CCDC9: variants seen among roughly 807,000 people sequenced by gnomAD.
CCDC9 encodes the protein coiled-coil domain containing 9, also known as coiled-coil domain-containing protein 9.
Under a neutral mutation model 65.6 loss-of-function variants are expected in CCDC9, and 52 were observed. The ratio of observed to expected loss-of-function variants is 0.79; its 90% CI spans 0.63 to 1.00. The LOEUF is 1.00. Ranked by LOEUF, CCDC9 falls within the 50% of genes least tolerant of loss-of-function variation. The pLI, the probability that CCDC9 is intolerant of heterozygous loss-of-function variation, is 0.00. For synonymous variants in CCDC9, 332 were observed against 280.3 expected (o/e 1.18, Z -1.84); for missense variants, 834 against 757.2 (o/e 1.10, Z -1.19).
intron 3 of CCDC9, among the ~76,000 whole-genome samples, chr19:47,260,071 G>T (rs561045693): frequency 6.6e-6 from 1 of 152,280 alleles, no homozygotes; most frequent in East Asian, 1.9e-4. Flanking sequence ...ATGAGGTCGG[G>T]GAGGTACCAA....
chr19:47,264,256 T>A (rs2123459235), intron 5 of CCDC9, among the ~76,000 whole-genome samples: 1 of 152,326 alleles, frequency 6.6e-6, no homozygotes, highest in South Asian at 2.1e-4. Flanking sequence ...GCTGAAGCAA[T>A]CCTCCTGCCT....
At position 47,266,600 on chromosome 19, in the gene CCDC9, C is replaced by CT; in HGVS notation, c.721-10dup. On this transcript the variant is annotated splice_polypyrimidine_tract_variant and intron_variant, in intron 7 of 11. Coordinates refer to ENST00000221922, the MANE Select transcript of CCDC9 (RefSeq NM_015603.3). ...GGACATCACCCTGACTCCCTGTGGGCTGGGGGGCAGGGCCGCCGAGCTGGC... is the reference window on the plus strand; with the variant it reads ...GGACATCACCCTGACTCCCTGTGGGCTTGGGGGGCAGGGCCGCCGAGCTGGC... 6.6e-7 allele frequency: 1 copy of CT among 1,513,090 alleles called. No individual in the cohort carries two copies. The allele number at this position is 1,513,090 out of a possible 1,614,324, so 93.7% of individuals were successfully genotyped here.
downstream of CCDC9, among the ~76,000 whole-genome samples, chr19:47,272,915 T>C: frequency 6.6e-6 from 1 of 151,704 alleles, no homozygotes. Context: ...CAGAGTGGGA[T>C]TAGGATTTTG....
chr19:47,270,905 T>C (rs141390440), intron 10 of CCDC9, among the ~76,000 whole-genome samples, 177 bp from the exon 11 acceptor site: 67 of 152,240 alleles, frequency 4.4e-4, no homozygotes, highest in Non-Finnish European at 8.2e-4. Flanking sequence ...CCTCTCCTGC[T>C]ACCTGCCCCA....
At chr19:47,275,442 C>T (rs958485261), downstream of CCDC9, 50 of 1,422,676 alleles carry the variant, frequency 3.5e-5, no homozygotes, top group African/African-American at 2.0e-4. Context: ...CGGCCTTCTT[C>T]CTAATGACAT....
rs557030748 is a variant in CCDC9, at chr19:47,271,462, C to T, written c.1380C>T (p.Ile460=). 1.4e-5 allele frequency: 22 copies of T among 1,613,672 alleles called. No homozygotes were observed. In the Admixed American group the frequency reaches 1.5e-4, roughly 11 times the overall value. The change falls in exon 12 of 12, where the codon ATC becomes ATT. Residue 460 remains isoleucine (I), a synonymous_variant. Coordinates refer to ENST00000221922, the MANE Select transcript of CCDC9 (RefSeq NM_015603.3). ...HQAPEAAPTG[I]PCSEQAHGVP... Reference sequence around the variant, plus strand: ...CCCCAGAGGCTGCCCCCACCGGGATCCCCTGCAGTGAGCAGGCCCACGGAG... The same window carrying T: ...CCCCAGAGGCTGCCCCCACCGGGATTCCCTGCAGTGAGCAGGCCCACGGAG...
At chr19:47,273,696 C>T (rs1189889447), downstream of CCDC9, 1 of 380,582 alleles carries the variant, frequency 2.6e-6, no homozygotes, top group Non-Finnish European at 4.6e-6. Context: ...CATGGAGGCC[C>T]TGGGCGGCTC....
At chr19:47,258,225 G>A (rs969567586) in intron 1 of CCDC9, 105 bp from the exon 2 acceptor site, 1 of 651,194 alleles carries the variant, frequency 1.5e-6, no homozygotes. Context: ...TTCTCTTGGG[G>A]TACAGGGTTT....
downstream of CCDC9, chr19:47,274,804 G>A: frequency 1.4e-6 from 1 of 719,668 alleles, no homozygotes; most frequent in East Asian, 5.1e-5. Context: ...CATGCTGGCG[G>A]GGGCGGGGCC....
chr19:47,275,035 G>C, downstream of CCDC9: 3 of 1,490,000 alleles, frequency 2.0e-6, no homozygotes, highest in Non-Finnish European at 2.7e-6. Context: ...TACTTCCTCT[G>C]CGTCTCGCTA....
chr19:47,261,018 C>G (rs1472190891), intron 5 of CCDC9, among the ~76,000 whole-genome samples, 179 bp downstream of exon 5: 1 of 151,992 alleles, frequency 6.6e-6, no homozygotes, highest in African/African-American at 2.4e-5. Flanking sequence ...CCTGCTCCCC[C>G]TCTTCTAGTT....
At chr19:47,260,274 GCAGA>G (rs753948484) in intron 3 of CCDC9, 43 bp from the exon 4 acceptor site, 1 of 1,390,082 alleles carries the variant, frequency 7.2e-7, no homozygotes, top group African/African-American at 1.4e-5. Flanking sequence ...AGTCCGTCTG[GCAGA>G]CAGGGCACCT....
chr19:47,271,716 TGTGTGTGTGTGTGTGTGCGCGC>T lies in CCDC9; in HGVS notation c.*40_*61del, dbSNP rs2059121365. On this transcript the variant is annotated 3_prime_UTR_variant, in exon 12 of 12. Transcript: ENST00000221922. ...GTGTGTGTGTGTGTGTGTGTGTGTG[TGTGTGTGTGTGTGTGTGCGCGC>T]GCGCGCGCGCGCGCGCGCGCGCTAG... The T allele has an allele frequency of 7.9e-6, 11 of 1,386,486 alleles. No homozygotes were observed. Among genetic ancestry groups the T allele is most frequent in the African/African-American group, 4.2e-5 (2 of 47,872 alleles). The allele number at this position is 1,386,486 out of a possible 1,614,324, so 85.9% of individuals were successfully genotyped here. A position where few individuals can be genotyped will look rare whatever the true frequency, so the allele number is the denominator to read the frequency against.
At chr19:47,272,027 T>A (rs11882059), downstream of CCDC9, 20,205 of 1,236,292 alleles carry the variant, frequency 0.016, 2,502 homozygotes, top group African/African-American at 0.27. Flanking sequence ...TGGGGAGATG[T>A]CAGGCGGGAA....
At chr19:47,264,506 A>G (rs2059067306) in intron 5 of CCDC9, 97 bp from the exon 6 acceptor site, 2 of 1,167,346 alleles carry the variant, frequency 1.7e-6, no homozygotes, top group Non-Finnish European at 2.5e-6. Context: ...GGCCAGTCCG[A>G]GGAGAGGAGC....
chr19:47,260,380 A>T lies in CCDC9; in HGVS notation c.168A>T (p.Arg56=). Residue 56 remains arginine (R), a synonymous_variant, in exon 4 of 12, where the codon CGA becomes CGT. Transcript: ENST00000221922. ...AGGGAGTCGCAGTCACAGCTCCCCG[A>T]AAGGGCCGCTCAGTGGAGAAGGAGA... is the stretch of plus-strand genomic sequence containing the variant. ...ELEGVAVTAP[R]KGRSVEKENV... is the part of the protein sequence containing the mutation. 2 of 1,605,830 alleles carry T rather than the reference A, an allele frequency of 1.2e-6. No homozygotes were observed. The highest frequency in any genetic ancestry group is 1.7e-6 in the Non-Finnish European group (2 of 1,176,164).
At chr19:47,274,867 G>T, downstream of CCDC9, 3 of 1,174,612 alleles carry the variant, frequency 2.6e-6, no homozygotes, top group South Asian at 8.1e-5. Context: ...GGCGGGGCCT[G>T]GTGGGGGCGG....
Position 47,256,886 on chromosome 19 carries a change from C to T in CCDC9, c.-72+277C>T, listed in dbSNP as rs1042517686. On this transcript the variant is annotated intron_variant, in intron 1 of 11. Coordinates refer to ENST00000221922, the MANE Select transcript of CCDC9 (RefSeq NM_015603.3). Reference sequence around the variant, plus strand: ...GGGCGGGGCCATAGTGTTGCTTGTTCAGCTGTGTGGCGGGGCTCGGACGCC... The same window carrying T: ...GGGCGGGGCCATAGTGTTGCTTGTTTAGCTGTGTGGCGGGGCTCGGACGCC... 3.5e-4 allele frequency among the ~76,000 whole-genome samples: 53 copies of T among 151,060 alleles called. 2 individuals are homozygous for T. The South Asian group carries it at 0.011, about 30-fold the overall frequency.
chr19:47,262,876 A>G (rs919980992), intron 5 of CCDC9, among the ~76,000 whole-genome samples: 4 of 152,054 alleles, frequency 2.6e-5, no homozygotes, highest in Admixed American at 2.6e-4. Context: ...GCTTGAGCCC[A>G]GGAGTTTGAG....
Sources: allele counts gnomAD v4.1 joint callset (sites outside exome capture counted in the v4.1 genomes callset), GRCh38; gene constraint gnomAD v4.1.1; transcripts MANE v1.5; gene names NCBI Gene and HGNC (gene_info 2026-07-23, HGNC 2026-07-21).